Variants in ROBO2 observed in about 807,000 individuals in gnomAD.
ROBO2 encodes roundabout guidance receptor 2.
A neutral mutation model predicts 160.8 loss-of-function variants in ROBO2; 53 were observed. That is an observed-to-expected ratio of 0.33 (90% CI 0.26 to 0.41). ROBO2 has a LOEUF of 0.41. Among genes scored for constraint, ROBO2 ranks in the 10% least tolerant of loss-of-function variants. ROBO2 has a pLI of 1.00. For missense variants in ROBO2, 1,577 were observed against 1,722.4 expected (o/e 0.92, Z 1.49); for synonymous variants, 664 against 611.7 (o/e 1.09, Z -1.26).
At position 77,310,320 on chromosome 3, in the gene ROBO2, T is replaced by C. The variant is rs531671811; in HGVS notation, c.389-167094T>C. 5.3e-5 allele frequency among the ~76,000 whole-genome samples: 8 copies of C among 152,278 alleles called. No individual in the cohort carries two copies. The South Asian group carries it at 1.7e-3, about 32-fold the overall frequency. ...AAAAGTAAATCTCTACACCTTCAAA[T>C]TGAATGTTGCAGCCAATTGAGAACC... On this transcript the variant is annotated intron_variant, in intron 2 of 25. Transcript: ENST00000461745.
chr3:77,100,211 A>G (rs1259374825), intron 2 of ROBO2, among the ~76,000 whole-genome samples: 1 of 152,084 alleles, frequency 6.6e-6, no homozygotes, highest in Non-Finnish European at 1.5e-5. Context: ...TTTTGAAGTA[A>G]ATGAGCTTTA....
At chr3:76,624,169 T>C (rs1467161741) in intron 2 of ROBO2, among the ~76,000 whole-genome samples, 1 of 152,208 alleles carries the variant, frequency 6.6e-6, no homozygotes, top group Non-Finnish European at 1.5e-5. Context: ...TTACACTCTT[T>C]TATAAGTTTT....
intron 2 of ROBO2, among the ~76,000 whole-genome samples, chr3:76,961,063 A>G (rs560003672): frequency 3.9e-5 from 6 of 152,216 alleles, no homozygotes; most frequent in Admixed American, 3.9e-4. Flanking sequence ...ACTCAATAAG[A>G]TTTCAATTTG....
intron 2 of ROBO2, among the ~76,000 whole-genome samples, chr3:76,414,515 A>G (rs1024348176): frequency 6.6e-6 from 1 of 150,710 alleles, no homozygotes; most frequent in Non-Finnish European, 1.5e-5. Flanking sequence ...CTATCGCAAG[A>G]AGAAAAAACC....
At chr3:77,241,717 G>A (rs1210351144) in intron 2 of ROBO2, among the ~76,000 whole-genome samples, 1 of 152,146 alleles carries the variant, frequency 6.6e-6, no homozygotes, top group African/African-American at 2.4e-5. Flanking sequence ...ATAAATAGTG[G>A]CTATGCTCGT....
chr3:76,364,622 T>C (rs7611496), intron 2 of ROBO2, among the ~76,000 whole-genome samples: 1,710 of 152,214 alleles, frequency 0.011, 25 homozygotes, highest in Middle Eastern at 0.041. Context: ...TTATTATTCT[T>C]GTTATAGTGA....
At chr3:76,377,011 ACT>A (rs1457973921) in intron 2 of ROBO2, among the ~76,000 whole-genome samples, 11 of 151,940 alleles carry the variant, frequency 7.2e-5, no homozygotes, top group Middle Eastern at 3.4e-3. Flanking sequence ...GGCAATTTTG[ACT>A]CTGTTATTCC....
intron 2 of ROBO2, among the ~76,000 whole-genome samples, chr3:76,839,135 A>C (rs571390435): frequency 6.6e-6 from 1 of 152,276 alleles, no homozygotes; most frequent in African/African-American, 2.4e-5. Flanking sequence ...TAGTCACTCA[A>C]ATTATTACTT....
At chr3:76,873,428 A>T (rs1297653037) in intron 2 of ROBO2, among the ~76,000 whole-genome samples, 1 of 152,212 alleles carries the variant, frequency 6.6e-6, no homozygotes, top group Non-Finnish European at 1.5e-5. Flanking sequence ...AATTTACAAC[A>T]TCTTATATAA....
At chr3:77,616,730 T>C (rs970570230) in intron 21 of ROBO2, among the ~76,000 whole-genome samples, 4 of 152,210 alleles carry the variant, frequency 2.6e-5, no homozygotes, top group Non-Finnish European at 5.9e-5. Context: ...ATAAAAAAGC[T>C]ATTGATTTTG....
intron 2 of ROBO2, among the ~76,000 whole-genome samples, chr3:77,240,056 G>C (rs2151358834): frequency 6.6e-6 from 1 of 152,314 alleles, no homozygotes; most frequent in African/African-American, 2.4e-5. Context: ...CAGGGCCATA[G>C]GCGGAGCTGC....
intron 2 of ROBO2, among the ~76,000 whole-genome samples, chr3:76,183,960 A>G (rs1701627703): frequency 6.6e-6 from 1 of 152,198 alleles, no homozygotes; most frequent in Admixed American, 6.5e-5. Flanking sequence ...TATTTCTTGA[A>G]TAATTTAGAA....
At chr3:76,176,031 C>T (rs1422491963) in intron 2 of ROBO2, among the ~76,000 whole-genome samples, 1 of 151,776 alleles carries the variant, frequency 6.6e-6, no homozygotes, top group Non-Finnish European at 1.5e-5. Flanking sequence ...GTATTGATAT[C>T]ATTATAAGTT....
intron 2 of ROBO2, among the ~76,000 whole-genome samples, chr3:76,590,317 A>G (rs1041464461): frequency 8.5e-5 from 13 of 152,176 alleles, no homozygotes; most frequent in African/African-American, 3.1e-4. Flanking sequence ...CTTTGTTGAT[A>G]TTAAATGCTG....
chr3:76,018,436 A>G (rs975766278), intron 2 of ROBO2, among the ~76,000 whole-genome samples: 2 of 151,682 alleles, frequency 1.3e-5, no homozygotes, highest in East Asian at 1.9e-4. Context: ...ATCTCTATTT[A>G]CTATTTCATT....
chr3:76,614,637 A>G (rs1006239979), intron 2 of ROBO2, among the ~76,000 whole-genome samples: 3 of 152,166 alleles, frequency 2.0e-5, no homozygotes, highest in South Asian at 2.1e-4. Context: ...GATCATTTCA[A>G]TAACTAATGT....
intron 2 of ROBO2, among the ~76,000 whole-genome samples, chr3:77,390,929 A>T (rs1421607042): frequency 6.6e-6 from 1 of 151,982 alleles, no homozygotes; most frequent in Non-Finnish European, 1.5e-5. Flanking sequence ...AGCGAATGAA[A>T]GTTTTCCCTC....
intron 2 of ROBO2, among the ~76,000 whole-genome samples, chr3:76,475,337 A>C (rs904429991): frequency 2.0e-5 from 3 of 152,062 alleles, no homozygotes; most frequent in Non-Finnish European, 2.9e-5. Context: ...ACCAGATTTG[A>C]ATGAGGATGA....
At chr3:76,856,529 C>T (rs2070100828) in intron 2 of ROBO2, among the ~76,000 whole-genome samples, 1 of 152,082 alleles carries the variant, frequency 6.6e-6, no homozygotes, top group African/African-American at 2.4e-5. Context: ...TGATCTTTAG[C>T]CTTCTTCATC....
Sources: allele counts gnomAD v4.1 joint callset (sites outside exome capture counted in the v4.1 genomes callset), GRCh38; gene constraint gnomAD v4.1.1; transcripts MANE v1.5; gene names NCBI Gene and HGNC (gene_info 2026-07-23, HGNC 2026-07-21).